ZYG11B: variants seen among roughly 807,000 people sequenced by gnomAD.
ZYG11B encodes zyg-11 family member B, cell cycle regulator.
In ZYG11B, 36 loss-of-function variants were observed where a neutral mutation model predicts 82.4. That is an observed-to-expected ratio of 0.44 (90% CI 0.33 to 0.58). ZYG11B has a LOEUF of 0.58. Among genes scored for constraint, ZYG11B ranks in the 20% least tolerant of loss-of-function variants. The pLI, the probability that ZYG11B is intolerant of heterozygous loss-of-function variation, is 0.02. For missense variants in ZYG11B, 552 were observed against 895.6 expected, an observed-to-expected ratio of 0.62 and a Z score of 4.90; for synonymous variants, 303 against 312.8, an observed-to-expected ratio of 0.97 and a Z score of 0.33.
chr1:52,797,251 AATAT>A (rs1196213567), intron 8 of ZYG11B, among the ~76,000 whole-genome samples: 1 of 85,960 alleles, frequency 1.2e-5, no homozygotes, highest in Non-Finnish European at 2.0e-5. Flanking sequence ...TTGTATATAT[AATAT>A]ATATTTATAT....
chr1:52,789,612 A>C (rs1433120892), intron 5 of ZYG11B, among the ~76,000 whole-genome samples: 6 of 152,096 alleles, frequency 3.9e-5, no homozygotes, highest in Admixed American at 1.3e-4. Flanking sequence ...CCCACCGTGT[A>C]CTCTATGTTA....
Position 52,790,025 on chromosome 1 carries a change from C to T in ZYG11B, c.1292C>T (p.Ser431Leu). The T allele has an allele frequency of 6.3e-7, 1 of 1,587,402 alleles. No homozygotes were observed. Among genetic ancestry groups the T allele is most frequent in the Non-Finnish European group, 8.6e-7 (1 of 1,164,866 alleles). ...HQQLQKNCLL[S>L]LCSDRILQDV... ...TAGTTACAGAAGAATTGCCTCCTTT[C>T]ACTTTGCAGTGACCGGATCCTTCAA... Residue 431 changes from serine (S) to leucine (L), a missense_variant, in exon 6 of 14, where the codon TCA becomes TTA. Coordinates refer to ENST00000294353, the MANE Select transcript of ZYG11B (RefSeq NM_024646.3).
At chr1:52,793,689 T>A (rs1644977994) in intron 6 of ZYG11B, among the ~76,000 whole-genome samples, 1 of 152,194 alleles carries the variant, frequency 6.6e-6, no homozygotes, top group South Asian at 2.1e-4. Flanking sequence ...CTAGCCTGTG[T>A]TACCTCATAC....
chr1:52,765,039 T>C (rs1644669892), intron 2 of ZYG11B, among the ~76,000 whole-genome samples: 1 of 152,048 alleles, frequency 6.6e-6, no homozygotes, highest in Admixed American at 6.6e-5. Context: ...TGCTTCCAAT[T>C]TTTCTGAGTG....
At chr1:52,817,783 A>ATG (rs1645240723) in intron 13 of ZYG11B, among the ~76,000 whole-genome samples, 1 of 23,144 alleles carries the variant, frequency 4.3e-5, no homozygotes, top group Non-Finnish European at 8.5e-5. Context: ...ATGTGTATAT[A>ATG]TATATATATA....
intron 1 of ZYG11B, among the ~76,000 whole-genome samples, chr1:52,751,395 C>T (rs1313322830): frequency 3.3e-5 from 5 of 150,666 alleles, no homozygotes; most frequent in South Asian, 2.1e-4. Context: ...TTTGGGAGGC[C>T]GAGGCGGGCA....
intron 1 of ZYG11B, among the ~76,000 whole-genome samples, chr1:52,735,501 A>G (rs1393285588): frequency 6.6e-6 from 1 of 152,118 alleles, no homozygotes; most frequent in African/African-American, 2.4e-5. Context: ...CAAGGGTGGA[A>G]TGAGAAAAGA....
intron 8 of ZYG11B, among the ~76,000 whole-genome samples, chr1:52,798,134 C>CA (rs1228265403): frequency 4.0e-5 from 6 of 150,934 alleles, no homozygotes; most frequent in Non-Finnish European, 7.4e-5. Flanking sequence ...AAACAAACAA[C>CA]AAAAAATTTT....
At chr1:52,782,723 C>A (rs1370407048) in intron 4 of ZYG11B, among the ~76,000 whole-genome samples, 1 of 151,802 alleles carries the variant, frequency 6.6e-6, no homozygotes, top group Non-Finnish European at 1.5e-5. Flanking sequence ...GACTACAGGC[C>A]CATGCAACCA....
intron 2 of ZYG11B, among the ~76,000 whole-genome samples, chr1:52,758,625 A>G (rs555771066): frequency 6.6e-6 from 1 of 152,304 alleles, no homozygotes; most frequent in South Asian, 2.1e-4. Context: ...CTTTATATAT[A>G]TAAAACTATT....
intron 2 of ZYG11B, among the ~76,000 whole-genome samples, chr1:52,770,162 A>G (rs1356946323): frequency 6.7e-6 from 1 of 148,664 alleles, no homozygotes; most frequent in African/African-American, 2.5e-5. Context: ...TGCAATCATA[A>G]TTCACTATAA....
rs1321965313 is a variant in ZYG11B at position 52,803,139 on chromosome 1, C to CATAT, written c.1695+1012_1695+1015dup. On this transcript the variant is annotated intron_variant, in intron 10 of 13. Coordinates refer to ENST00000294353, the MANE Select transcript of ZYG11B (RefSeq NM_024646.3). ...ATATACACACATATATATATACACA[C>CATAT]ATATATATATATATACACATATATA... Among the ~76,000 whole-genome samples the CATAT allele has an allele frequency of 2.1e-3, 91 of 44,100 alleles. 13 individuals are homozygous for CATAT. The highest frequency in any genetic ancestry group is 0.013 in the Middle Eastern group (1 of 80). 28.9% of individuals were successfully genotyped at this position (44,100 alleles called of 152,430 possible). A position where few individuals can be genotyped will look rare whatever the true frequency, so the allele number is the denominator to read the frequency against.
chr1:52,773,055 A>T (rs1331584869), intron 3 of ZYG11B, among the ~76,000 whole-genome samples: 1 of 152,218 alleles, frequency 6.6e-6, no homozygotes, highest in Non-Finnish European at 1.5e-5. Context: ...TGGAAGATCA[A>T]GTTTTCTAAG....
chr1:52,743,987 C>A (rs566045496), intron 1 of ZYG11B, among the ~76,000 whole-genome samples: 2 of 151,982 alleles, frequency 1.3e-5, no homozygotes, highest in South Asian at 4.1e-4. Context: ...GACTGGAGTG[C>A]AGTGGCACAA....
intron 2 of ZYG11B, among the ~76,000 whole-genome samples, chr1:52,761,460 A>G (rs999154344): frequency 1.3e-5 from 2 of 152,158 alleles, no homozygotes; most frequent in Non-Finnish European, 2.9e-5. Flanking sequence ...CTCCTGGCTT[A>G]TTTCACTTAA....
intron 13 of ZYG11B, among the ~76,000 whole-genome samples, chr1:52,817,777 G>GTATGTATATATATATA (rs1645240000): frequency 4.8e-5 from 2 of 41,542 alleles, no homozygotes; most frequent in East Asian, 6.3e-4. Flanking sequence ...ATATATATGT[G>GTATGTATATATATATA]TATATATATA....
chr1:52,810,225 T>C (rs184427117), intron 10 of ZYG11B, among the ~76,000 whole-genome samples: 1 of 152,260 alleles, frequency 6.6e-6, no homozygotes, highest in East Asian at 1.9e-4. Flanking sequence ...GAAAGGTTTT[T>C]CCATACTGGG....
chr1:52,754,031 C>T (rs1328955324), intron 1 of ZYG11B, among the ~76,000 whole-genome samples: 1 of 145,696 alleles, frequency 6.9e-6, no homozygotes, highest in Non-Finnish European at 1.5e-5. Flanking sequence ...GCCCCCTTTG[C>T]CTTTTTTTTT....
intron 2 of ZYG11B, 54 bp from the exon 3 acceptor site, chr1:52,770,966 T>G: frequency 6.5e-7 from 1 of 1,541,698 alleles, no homozygotes. Flanking sequence ...GATGGAAATT[T>G]TGGCTATTCT....
Sources: allele counts gnomAD v4.1 joint callset (sites outside exome capture counted in the v4.1 genomes callset), GRCh38; gene constraint gnomAD v4.1.1; transcripts MANE v1.5; gene names NCBI Gene and HGNC (gene_info 2026-07-23, HGNC 2026-07-21).